CCSER1: variants seen among roughly 807,000 people sequenced by gnomAD.
CCSER1 encodes coiled-coil serine rich protein 1, also known as serine-rich coiled-coil domain-containing protein 1.
In CCSER1, 41 loss-of-function variants were observed where a neutral mutation model predicts 82.0. The ratio of observed to expected loss-of-function variants is 0.50; its 90% CI spans 0.39 to 0.65. The LOEUF is 0.65. Among genes scored for constraint, CCSER1 ranks in the 30% least tolerant of loss-of-function variants. CCSER1 has a pLI of 0.00. For synonymous variants in CCSER1, 414 were observed against 383.9 expected (o/e 1.08, Z -0.92); for missense variants, 1,119 against 1,064.2 (o/e 1.05, Z -0.72).
chr4:91,565,026 T>TTG (rs56723869), intron 10 of CCSER1, among the ~76,000 whole-genome samples: 1,644 of 131,022 alleles, frequency 0.013, 9 homozygotes, highest in Non-Finnish European at 0.016. Context: ...GCACCTTGAG[T>TTG]TGTGTGTGTG....
chr4:91,419,291 T>C (rs1374801410), intron 10 of CCSER1, among the ~76,000 whole-genome samples: 1 of 152,050 alleles, frequency 6.6e-6, no homozygotes, highest in Non-Finnish European at 1.5e-5. Flanking sequence ...AGAAGTTAAG[T>C]TGTCTCTGCA....
chr4:91,569,392 G>A (rs1034956182), intron 10 of CCSER1, among the ~76,000 whole-genome samples: 5 of 152,128 alleles, frequency 3.3e-5, no homozygotes, highest in African/African-American at 9.7e-5. Flanking sequence ...GTAGTGGTTG[G>A]AGCTGAGGAT....
intron 5 of CCSER1, among the ~76,000 whole-genome samples, chr4:90,481,494 A>G (rs1388424000): frequency 1.3e-5 from 2 of 152,082 alleles, no homozygotes; most frequent in African/African-American, 2.4e-5. Context: ...TCAGTATGAT[A>G]TGGCTGTGGG....
intron 5 of CCSER1, among the ~76,000 whole-genome samples, chr4:90,589,014 A>G (rs1303553424): frequency 1.3e-5 from 2 of 152,222 alleles, no homozygotes; most frequent in African/African-American, 4.8e-5. Context: ...TTGAACTATT[A>G]TTATAATGGA....
intron 8 of CCSER1, among the ~76,000 whole-genome samples, chr4:90,860,572 G>C (rs186896751): frequency 1.3e-5 from 2 of 151,746 alleles, no homozygotes; most frequent in East Asian, 1.9e-4. Flanking sequence ...ACTTAAACCT[G>C]TACCTGATTT....
At chr4:90,137,365 T>G (rs1723881358) in intron 1 of CCSER1, among the ~76,000 whole-genome samples, 1 of 152,152 alleles carries the variant, frequency 6.6e-6, no homozygotes, top group African/African-American at 2.4e-5. Flanking sequence ...AACAATTCAG[T>G]TTCTGATAGG....
intron 10 of CCSER1, among the ~76,000 whole-genome samples, chr4:91,275,446 C>T (rs568163675): frequency 6.6e-6 from 1 of 152,202 alleles, no homozygotes; most frequent in East Asian, 1.9e-4. Context: ...TTTTCAACTA[C>T]CTGTTGGCCA....
intron 10 of CCSER1, among the ~76,000 whole-genome samples, chr4:91,513,103 A>G (rs1481401739): frequency 6.6e-6 from 1 of 152,152 alleles, no homozygotes; most frequent in Non-Finnish European, 1.5e-5. Context: ...TGCATTTGTC[A>G]CAGATGGCTC....
At chr4:90,877,065 A>T (rs531758632) in intron 8 of CCSER1, among the ~76,000 whole-genome samples, 1 of 152,222 alleles carries the variant, frequency 6.6e-6, no homozygotes, top group Admixed American at 6.5e-5. Flanking sequence ...ACTAAGTTTC[A>T]GAGAGTTTAA....
intron 9 of CCSER1, among the ~76,000 whole-genome samples, chr4:91,085,701 G>A (rs145749139): frequency 1.3e-5 from 2 of 152,138 alleles, no homozygotes; most frequent in East Asian, 3.9e-4. Flanking sequence ...GCTTAAAATA[G>A]ATGTATTAAC....
intron 1 of CCSER1, among the ~76,000 whole-genome samples, chr4:90,133,025 A>G (rs1248125231): frequency 6.6e-6 from 1 of 152,164 alleles, no homozygotes; most frequent in African/African-American, 2.4e-5. Flanking sequence ...CCCACCACAG[A>G]CTGATTGATT....
chr4:90,923,562 C>T (rs1282103654), intron 9 of CCSER1, 115 bp downstream of exon 9: 2 of 672,560 alleles, frequency 3.0e-6, no homozygotes, highest in Non-Finnish European at 5.1e-6. Context: ...TTTAGCGGTG[C>T]ACCATTCATC....
At chr4:91,159,161 A>C (rs1731119048) in intron 10 of CCSER1, among the ~76,000 whole-genome samples, 1 of 151,812 alleles carries the variant, frequency 6.6e-6, no homozygotes, top group African/African-American at 2.4e-5. Flanking sequence ...CTTTTTCCCC[A>C]CATGTTCTCC....
intron 10 of CCSER1, among the ~76,000 whole-genome samples, chr4:91,335,779 T>G (rs932300571): frequency 1.3e-5 from 2 of 151,866 alleles, no homozygotes; most frequent in African/African-American, 2.4e-5. Flanking sequence ...TTTAGCAGCA[T>G]CATGAAAAGA....
intron 10 of CCSER1, among the ~76,000 whole-genome samples, chr4:91,245,418 G>A (rs9990729): frequency 0.99 from 151,324 of 152,278 alleles, 75,187 homozygotes; most frequent in Middle Eastern, 1. Flanking sequence ...AACAAATAAC[G>A]TACAATGAAA....
intron 1 of CCSER1, among the ~76,000 whole-genome samples, chr4:90,302,355 G>A (rs1355642205): frequency 6.6e-6 from 1 of 152,188 alleles, no homozygotes; most frequent in Non-Finnish European, 1.5e-5. Context: ...CAGTGGGAAT[G>A]GGGTGTCAGG....
chr4:91,402,983 G>A (rs1171125029), intron 10 of CCSER1, among the ~76,000 whole-genome samples: 1 of 152,086 alleles, frequency 6.6e-6, no homozygotes, highest in Non-Finnish European at 1.5e-5. Flanking sequence ...AATTACCTTG[G>A]GCAGTATGGC....
At chr4:90,272,911 G>A (rs995008782) in intron 1 of CCSER1, among the ~76,000 whole-genome samples, 1 of 152,186 alleles carries the variant, frequency 6.6e-6, no homozygotes, top group Non-Finnish European at 1.5e-5. Context: ...GCTGAGGCAG[G>A]AGAATCGCTT....
intron 8 of CCSER1, among the ~76,000 whole-genome samples, chr4:90,878,870 T>C (rs1341372918): frequency 6.6e-6 from 1 of 152,210 alleles, no homozygotes; most frequent in East Asian, 1.9e-4. Flanking sequence ...GACTTAATAA[T>C]TGTGAAACAT....
Sources: allele counts gnomAD v4.1 joint callset (sites outside exome capture counted in the v4.1 genomes callset), GRCh38; gene constraint gnomAD v4.1.1; transcripts MANE v1.5; gene names NCBI Gene and HGNC (gene_info 2026-07-23, HGNC 2026-07-21).